Variants in CCDC59 observed in about 807,000 individuals in gnomAD.
The protein encoded by CCDC59 is coiled-coil domain containing 59, also known as thyroid transcription factor 1-associated protein 26.
A neutral mutation model predicts 30.5 loss-of-function variants in CCDC59; 27 were observed. The ratio of observed to expected loss-of-function variants is 0.89; its 90% CI spans 0.65 to 1.22. CCDC59 has a LOEUF of 1.22. Among genes scored for constraint, CCDC59 ranks in the 50% most tolerant of loss-of-function variants. The probability of loss-of-function intolerance (pLI) is 0.00; values close to 1 mark genes in which losing one functional copy is unlikely to be tolerated. For synonymous variants in CCDC59, 125 were observed against 100.9 expected (o/e 1.24, Z -1.43); for missense variants, 362 against 284.4 (o/e 1.27, Z -1.96).
upstream of CCDC59, chr12:82,358,414 G>A (rs766414245): frequency 1.9e-6 from 3 of 1,609,826 alleles, no homozygotes; most frequent in African/African-American, 2.7e-5. Context: ...GACCACGACG[G>A]ACGCCCACAA....
intron 2 of CCDC59, chr12:82,355,424 C>G (rs1880978288): frequency 6.6e-6 from 1 of 151,942 alleles, no homozygotes; most frequent in African/African-American, 2.4e-5. Flanking sequence ...GGTAAAAGTT[C>G]TTGACTTAAT....
At chr12:82,358,098 A>G (rs559445045) in intron 1 of CCDC59, 125 bp downstream of exon 1, 1 of 1,061,668 alleles carries the variant, frequency 9.4e-7, no homozygotes, top group African/African-American at 1.6e-5. Flanking sequence ...GGGCTCAGGA[A>G]TGAATTCCCT....
Position 82,358,356 on chromosome 12 carries a change from G to A in CCDC59, c.21C>T (p.Ser7=), listed in dbSNP as rs758479630. 37 of 1,613,554 alleles carry A rather than the reference G, an allele frequency of 2.3e-5. No individual in the cohort carries two copies. Among genetic ancestry groups the A allele is most frequent in the Non-Finnish European group, 3.1e-5 (36 of 1,180,016 alleles). Residue 7 remains serine, a synonymous_variant, in exon 1 of 4, where the codon TCC becomes TCT. Transcript: ENST00000256151. MAPVRR[S]AKWRPGGIEA... is the part of the protein sequence containing the mutation. Reference sequence around the variant, plus strand: ...CAATACCACCAGGCCGCCACTTCGCGGACCGCCTCACCGGCGCCATTGCAG... The same window carrying A: ...CAATACCACCAGGCCGCCACTTCGCAGACCGCCTCACCGGCGCCATTGCAG...
chr12:82,354,156 C>T (rs1211312984), intron 3 of CCDC59, among the ~76,000 whole-genome samples: 2 of 151,974 alleles, frequency 1.3e-5, no homozygotes, highest in Non-Finnish European at 2.9e-5. Context: ...CAGTGGTTCT[C>T]AAGTTTTATC....
intron 2 of CCDC59, chr12:82,355,842 T>G (rs2136748598): frequency 6.6e-6 from 1 of 152,294 alleles, no homozygotes; most frequent in East Asian, 1.9e-4. Flanking sequence ...ATGACAATAT[T>G]TTCCCTGTTT....
chr12:82,358,368 C>T lies in CCDC59; in HGVS notation c.9G>A (p.Pro3=). 6.2e-7 allele frequency: 1 copy of T among 1,613,406 alleles called. No individual in the cohort carries two copies. Among genetic ancestry groups the T allele is most frequent in the Non-Finnish European group, 8.5e-7 (1 of 1,180,004 alleles). The part of the protein sequence containing the change: MA[P]VRRSAKWRPG... The stretch of plus-strand genomic sequence containing the variant: ...GCCGCCACTTCGCGGACCGCCTCAC[C>T]GGCGCCATTGCAGCCGACTAACTGC... The change falls in exon 1 of 4, where the codon CCG becomes CCA. Residue 3 remains proline, a synonymous_variant. Coordinates refer to ENST00000256151, the MANE Select transcript of CCDC59 (RefSeq NM_014167.5).
At chr12:82,356,148 A>T (rs1881002446) in intron 2 of CCDC59, 1 of 152,218 alleles carries the variant, frequency 6.6e-6, no homozygotes, top group Non-Finnish European at 1.5e-5. Flanking sequence ...GTTTTAATGA[A>T]GTAAAAAATT....
intron 2 of CCDC59, chr12:82,356,230 G>C (rs1881005400): frequency 6.6e-6 from 1 of 152,232 alleles, no homozygotes; most frequent in Non-Finnish European, 1.5e-5. Context: ...TAAGTATGCA[G>C]CGATAGTTTT....
rs1399306248 is a variant in CCDC59, at chr12:82,354,022, T to G, written c.564+473A>C. ...TTTGCTAAGCTAAAATAATAGTTGT[T>G]TTTTTTTTTTAAACAGGCAAGAACA... On this transcript the variant is annotated intron_variant, in intron 3 of 3. Coordinates refer to ENST00000256151, the MANE Select transcript of CCDC59 (RefSeq NM_014167.5). 0.012 allele frequency among the ~76,000 whole-genome samples: 47 copies of G among 4,080 alleles called. No homozygotes were observed. In the Admixed American group the frequency reaches 0.15, roughly 13 times the overall value. The allele number at this position is 4,080 out of a possible 152,430, so 2.7% of individuals were successfully genotyped here.
At chr12:82,355,237 T>C (rs201129782) in intron 2 of CCDC59, 1 of 152,306 alleles carries the variant, frequency 6.6e-6, no homozygotes, top group Non-Finnish European at 1.5e-5. Flanking sequence ...CTCAGTCCTA[T>C]TCACCTTCAA....
At chr12:82,358,591 T>G (rs1213172888), upstream of CCDC59, 1 of 1,612,362 alleles carries the variant, frequency 6.2e-7, no homozygotes, top group Non-Finnish European at 8.5e-7. Context: ...CCTCTCCCGG[T>G]GACCCCGGAC....
upstream of CCDC59, chr12:82,358,771 C>G: frequency 1.2e-6 from 2 of 1,613,212 alleles, no homozygotes; most frequent in African/African-American, 1.3e-5. Flanking sequence ...GCGTCGGAGA[C>G]GGAGGCCCTG....
At chr12:82,358,611 C>G (rs1881282693), upstream of CCDC59, 1 of 1,613,748 alleles carries the variant, frequency 6.2e-7, no homozygotes. Context: ...CCTGCCCACG[C>G]TGCGTGCCAA....
intron 1 of CCDC59, 108 bp downstream of exon 1, chr12:82,358,115 A>C: frequency 7.8e-7 from 1 of 1,288,728 alleles, no homozygotes; most frequent in Non-Finnish European, 1.1e-6. Flanking sequence ...CCCTTGCCCC[A>C]AGTAGGACCG....
Position 82,357,242 on chromosome 12 carries a change from A to T in CCDC59, c.182T>A (p.Leu61Gln), listed in dbSNP as rs777457552. The T allele has an allele frequency of 3.2e-5, 51 of 1,612,800 alleles. No homozygotes were observed. The Middle Eastern group carries it at 2.5e-3, about 78-fold the overall frequency. ...EGQGFAFRRKLKIQQSYKKLL... is the reference protein window; with the variant it reads ...EGQGFAFRRKQKIQQSYKKLL... ...TTTCTTGTAACTTTGCTGTATTTTC[A>T]GTTTTCTTCGAAAAGCAAAGCCTTG... Residue 61 changes from leucine (L) to glutamine (Q), a missense_variant, in exon 2 of 4, where the codon CTG (leucine) becomes CAG (glutamine). Physicochemically the swap from Leu to Gln is moderately radical, Grantham distance 113 (BLOSUM62 -2). Transcript: ENST00000256151.
chr12:82,358,491 G>A, upstream of CCDC59: 3 of 1,596,630 alleles, frequency 1.9e-6, no homozygotes, highest in South Asian at 3.3e-5. Flanking sequence ...TACTGAGCCT[G>A]CCTGTGCTAA....
chr12:82,356,041 T>C (rs1880996657), intron 2 of CCDC59: 1 of 152,180 alleles, frequency 6.6e-6, no homozygotes, highest in East Asian at 1.9e-4. Context: ...AGTAAACTTT[T>C]TGTGTCTCTG....
chr12:82,358,724 G>C (rs766216026), upstream of CCDC59: 7 of 1,614,074 alleles, frequency 4.3e-6, no homozygotes, highest in East Asian at 1.6e-4. Context: ...TGGTCGACTT[G>C]CCACCGGAGA....
intron 3 of CCDC59, among the ~76,000 whole-genome samples, chr12:82,354,154 C>T (rs1387160676): frequency 6.6e-6 from 1 of 151,828 alleles, no homozygotes; most frequent in Non-Finnish European, 1.5e-5. Flanking sequence ...GTCAGTGGTT[C>T]TCAAGTTTTA....
Sources: allele counts gnomAD v4.1 joint callset (sites outside exome capture counted in the v4.1 genomes callset), GRCh38; gene constraint gnomAD v4.1.1; transcripts MANE v1.5; gene names NCBI Gene and HGNC (gene_info 2026-07-23, HGNC 2026-07-21).